Variants in PLCH1 observed in about 807,000 individuals in gnomAD.
PLCH1 encodes 1-phosphatidylinositol 4,5-bisphosphate phosphodiesterase eta-1.
In PLCH1, 60 loss-of-function variants were observed where a neutral mutation model predicts 126.7. The ratio of observed to expected loss-of-function variants is 0.47; its 90% CI spans 0.38 to 0.59. The LOEUF (loss-of-function observed/expected upper bound fraction) is 0.59, where lower values mean the gene tolerates loss of function less well. Ranked by LOEUF, PLCH1 falls within the 20% of genes least tolerant of loss-of-function variation. The pLI, the probability that PLCH1 is intolerant of heterozygous loss-of-function variation, is 0.00. For missense variants in PLCH1, 1,723 were observed against 2,040.0 expected, an observed-to-expected ratio of 0.84 and a Z score of 2.99; for synonymous variants, 719 against 734.9, an observed-to-expected ratio of 0.98 and a Z score of 0.35.
rs79515563 is a variant in PLCH1, at chr3:155,577,817, G to A, written c.771+5655C>T. Among the ~76,000 whole-genome samples the A allele has an allele frequency of 3.0e-3, 454 of 152,212 alleles. 3 individuals carry two copies. The highest frequency in any genetic ancestry group is 0.01 in the African/African-American group (424 of 41,550). ...CCAGTATTGCTATTCAAATGAACTG[G>A]GGTAATTCCACTAGCCTGAATGAAT... On this transcript the variant is annotated intron_variant, in intron 6 of 22. Coordinates refer to ENST00000460012, the MANE Select transcript of PLCH1 (RefSeq NM_014996.4).
intron 10 of PLCH1, among the ~76,000 whole-genome samples, chr3:155,535,794 CA>C (rs1367915180): frequency 1.3e-5 from 2 of 152,180 alleles, no homozygotes; most frequent in African/African-American, 4.8e-5. Context: ...GACCTTAGGG[CA>C]AGCTTGTATC....
At chr3:155,742,025 G>C (rs938668780) in intron 1 of PLCH1, 4 of 152,130 alleles carry the variant, frequency 2.6e-5, no homozygotes, top group African/African-American at 7.2e-5. Flanking sequence ...TTCTGAATCT[G>C]CAAGTCTGAG....
chr3:155,513,194 G>A (rs189501694), intron 12 of PLCH1, among the ~76,000 whole-genome samples: 1 of 152,146 alleles, frequency 6.6e-6, no homozygotes, highest in Non-Finnish European at 1.5e-5. Context: ...AGAGGGCCTC[G>A]TCTCAACAGT....
intron 21 of PLCH1, among the ~76,000 whole-genome samples, chr3:155,462,434 C>T (rs1330009972): frequency 2.6e-5 from 4 of 152,108 alleles, no homozygotes; most frequent in South Asian, 2.1e-4. Flanking sequence ...TCAGCTATGA[C>T]CCTGAACCAG....
At chr3:155,513,964 A>G (rs1036404386) in intron 12 of PLCH1, among the ~76,000 whole-genome samples, 3 of 152,184 alleles carry the variant, frequency 2.0e-5, no homozygotes, top group Non-Finnish European at 4.4e-5. Flanking sequence ...CTCTCTGGAT[A>G]TGGACCAAGA....
In PLCH1 at chr3:155,481,435, T is replaced by C. The variant is rs774415436; in HGVS notation, c.4591A>G (p.Ile1531Val). ...VTVKTKSLEP[I>V]DALTEQLRKL... is the part of the protein sequence containing the mutation. The stretch of plus-strand genomic sequence containing the variant: ...CGAAGCTGCTCGGTCAGGGCATCTA[T>C]AGGCTCTAACGACTTTGTCTTCACA... The change falls in exon 23 of 23, where the codon ATA becomes GTA. Residue 1531 changes from isoleucine (I) to valine (V), a missense_variant. Physicochemically the swap from Ile to Val is conservative, Grantham distance 29. Around this residue, in one of 2 missense-constraint regions of PLCH1, gnomAD observed 947 missense variants for 977.1 expected, o/e 0.97. Coordinates refer to ENST00000460012, the MANE Select transcript of PLCH1 (RefSeq NM_014996.4). The surrounding 1 kb of genome is among the most constrained non-coding windows in gnomAD (Gnocchi z 4.2). 5.6e-6 allele frequency: 9 copies of C among 1,614,082 alleles called. No individual in the cohort carries two copies. In the African/African-American group the frequency reaches 6.7e-5, roughly 12 times the overall value.
intron 2 of PLCH1, among the ~76,000 whole-genome samples, chr3:155,693,939 A>G (rs1431547694): frequency 6.6e-6 from 1 of 152,102 alleles, no homozygotes; most frequent in African/African-American, 2.4e-5. Context: ...TTAAAAAAAA[A>G]AGAAAGAAAG....
chr3:155,640,006 C>A (rs1183482527), intron 2 of PLCH1, among the ~76,000 whole-genome samples: 2 of 152,208 alleles, frequency 1.3e-5, no homozygotes, highest in African/African-American at 4.8e-5. Context: ...CTGAGGCCTC[C>A]TCAGCCATGC....
intron 2 of PLCH1, among the ~76,000 whole-genome samples, chr3:155,679,714 A>G (rs1282011868): frequency 6.6e-6 from 1 of 152,216 alleles, no homozygotes; most frequent in Non-Finnish European, 1.5e-5. Flanking sequence ...TCACTTAATG[A>G]AACATTATTA....
chr3:155,618,213 C>T (rs1736022510), intron 2 of PLCH1, among the ~76,000 whole-genome samples: 2 of 151,996 alleles, frequency 1.3e-5, no homozygotes, highest in South Asian at 4.2e-4. Flanking sequence ...AGTCTTGTCT[C>T]GTTTTTGAGG....
In PLCH1 at chr3:155,482,654, G is replaced by T. The variant is rs1234789570; in HGVS notation, c.3372C>A (p.Asn1124Lys). Residue 1124 changes from asparagine to lysine, a missense_variant, in exon 23 of 23, where the codon AAC (asparagine) becomes AAA (lysine). Asn to Lys is a moderately conservative substitution (Grantham distance 94). Around this residue, in one of 2 missense-constraint regions of PLCH1, gnomAD observed 947 missense variants for 977.1 expected, o/e 0.97. Coordinates refer to ENST00000460012, the MANE Select transcript of PLCH1 (RefSeq NM_014996.4). ...TACCTTCCAGGTTCTTAATTTCTAGGTTGCTATGAGAAAGGACGCTTCCTG... is the reference window on the plus strand; with the variant it reads ...TACCTTCCAGGTTCTTAATTTCTAGTTTGCTATGAGAAAGGACGCTTCCTG... ...ILSGSVLSHSNLEIKNLEGNR... is the reference protein window; with the variant it reads ...ILSGSVLSHSKLEIKNLEGNR... The T allele has an allele frequency of 2.5e-6, 4 of 1,614,038 alleles. No individual in the cohort carries two copies. The African/African-American group carries it at 4.0e-5, about 16-fold the overall frequency.
chr3:155,697,032 C>T (rs1237667607), intron 2 of PLCH1, among the ~76,000 whole-genome samples: 1 of 152,208 alleles, frequency 6.6e-6, no homozygotes, highest in Non-Finnish European at 1.5e-5. Context: ...TCCCCTCCAT[C>T]GTTGCAGAAG....
Position 155,527,652 on chromosome 3 carries a change from A to G in PLCH1, c.1363-3648T>C, listed in dbSNP as rs541615180. ...TGGGGCCAGCTGGGCATGGTGGCTC[A>G]CACCTGTAACCCCAGCCCTTTGGGA... On this transcript the variant is annotated intron_variant, in intron 10 of 22. Transcript: ENST00000460012. Among the ~76,000 whole-genome samples the G allele has an allele frequency of 9.9e-5, 15 of 151,924 alleles. No homozygotes were observed. The South Asian group carries it at 3.1e-3, about 32-fold the overall frequency.
At chr3:155,566,208 C>T (rs1348701993) in intron 7 of PLCH1, among the ~76,000 whole-genome samples, 6 of 83,500 alleles carry the variant, frequency 7.2e-5, no homozygotes, top group East Asian at 2.5e-4. Context: ...TACATATATA[C>T]ACATATATAC....
At chr3:155,685,260 G>C (rs1461976095) in intron 2 of PLCH1, among the ~76,000 whole-genome samples, 1 of 152,258 alleles carries the variant, frequency 6.6e-6, no homozygotes, top group Non-Finnish European at 1.5e-5. Flanking sequence ...GATACGGTAA[G>C]GGTAAGTGAG....
chr3:155,508,961 T>A (rs1719062624), intron 12 of PLCH1, among the ~76,000 whole-genome samples: 1 of 111,966 alleles, frequency 8.9e-6, no homozygotes, highest in South Asian at 3.2e-4. Flanking sequence ...CTGGTAGAAT[T>A]CGGCTGTGAA....
intron 8 of PLCH1, among the ~76,000 whole-genome samples, chr3:155,563,893 A>G (rs1727960369): frequency 6.6e-6 from 1 of 152,072 alleles, no homozygotes; most frequent in African/African-American, 2.4e-5. Flanking sequence ...ATACCATTGT[A>G]TATCAACCAA....
chr3:155,462,612 A>G (rs928876153), intron 21 of PLCH1, among the ~76,000 whole-genome samples: 1 of 152,226 alleles, frequency 6.6e-6, no homozygotes, highest in African/African-American at 2.4e-5. Flanking sequence ...GCAAGAAAAT[A>G]GAATTAGTGC....
At chr3:155,635,534 A>G (rs1349778657) in intron 2 of PLCH1, among the ~76,000 whole-genome samples, 4 of 152,246 alleles carry the variant, frequency 2.6e-5, no homozygotes, top group Non-Finnish European at 5.9e-5. Context: ...TGAAGGTTAG[A>G]AATATCCCAT....
Sources: gnomAD v4.1 joint callset for allele counts (sites outside exome capture counted in the v4.1 genomes callset) on GRCh38, gnomAD v4.1.1 for gene constraint, gnomAD v4.1.1 regional missense constraint, Gnocchi (gnomAD v3.1) non-coding constraint, MANE v1.5 for transcripts, NCBI Gene and HGNC (gene_info 2026-07-23, HGNC 2026-07-21) for gene names.